ATP2A2: variants seen among roughly 807,000 people sequenced by gnomAD.
The protein encoded by ATP2A2 is ATPase sarcoplasmic/endoplasmic reticulum Ca2+ transporting 2, also known as sarcoplasmic/endoplasmic reticulum calcium ATPase 2.
Under a neutral mutation model 109.3 loss-of-function variants are expected in ATP2A2, and 14 were observed. The ratio of observed to expected loss-of-function variants is 0.13; its 90% CI spans 0.08 to 0.20. The LOEUF is 0.20. Among genes scored for constraint, ATP2A2 ranks in the 10% least tolerant of loss-of-function variants. ATP2A2 has a pLI of 1.00. For synonymous variants in ATP2A2, 506 were observed against 490.9 expected (o/e 1.03, Z -0.41); for missense variants, 657 against 1,321.6 (o/e 0.50, Z 7.80).
chr12:110,348,767 G>T lies in ATP2A2; in HGVS notation c.*2297G>T, dbSNP rs1459938129. ...CGCAGGCAGCTGTGGCTCTCGGGAA[G>T]GGAGGCTGCTTTGCCCAGCAGGGAA... On this transcript the variant is annotated 3_prime_UTR_variant, in exon 20 of 20. Transcript: ENST00000539276. The T allele has an allele frequency of 1.0e-6, 1 of 985,418 alleles. No homozygotes were observed. Among genetic ancestry groups the T allele is most frequent in the Non-Finnish European group, 1.2e-6 (1 of 830,030 alleles). 61.0% of individuals were successfully genotyped at this position (985,418 alleles called of 1,614,324 possible). A position where few individuals can be genotyped will look rare whatever the true frequency, so the allele number is the denominator to read the frequency against.
chr12:110,310,228 C>G (rs1368615816), intron 5 of ATP2A2, among the ~76,000 whole-genome samples: 1 of 151,610 alleles, frequency 6.6e-6, no homozygotes, highest in Non-Finnish European at 1.5e-5. Context: ...CTCAAGTGAT[C>G]TGCCTCCCTT....
chr12:110,317,138 T>A (rs1167497059), intron 5 of ATP2A2, among the ~76,000 whole-genome samples: 3 of 152,150 alleles, frequency 2.0e-5, no homozygotes, highest in African/African-American at 7.2e-5. Context: ...ACTACAAAAT[T>A]TATGACTCAA....
intron 11 of ATP2A2, among the ~76,000 whole-genome samples, chr12:110,334,586 CTTT>C (rs67776124): frequency 8.7e-6 from 1 of 114,522 alleles, no homozygotes; most frequent in Non-Finnish European, 1.7e-5. Flanking sequence ...TCAATTAAAC[CTTT>C]TTTTTTTTTT....
Position 110,292,749 on chromosome 12 carries a change from T to G in ATP2A2, c.324+625T>G, listed in dbSNP as rs555457534. Among the ~76,000 whole-genome samples, 9 of 152,254 alleles carry G rather than the reference T, an allele frequency of 5.9e-5. No individual in the cohort carries two copies. The East Asian group carries it at 1.7e-3, about 29-fold the overall frequency. ...CTGTAGTGAGCCATGATCGTAACACTGCACTCCAGTCTGGGCAAAGGAGCA... is the reference window on the plus strand; with the variant it reads ...CTGTAGTGAGCCATGATCGTAACACGGCACTCCAGTCTGGGCAAAGGAGCA... On this transcript the variant is annotated intron_variant, in intron 4 of 19. Coordinates refer to ENST00000539276, the MANE Select transcript of ATP2A2 (RefSeq NM_170665.4).
chr12:110,307,338 C>T (rs1461743873), intron 5 of ATP2A2, among the ~76,000 whole-genome samples: 1 of 151,678 alleles, frequency 6.6e-6, no homozygotes, highest in Non-Finnish European at 1.5e-5. Context: ...TCTAGTGACC[C>T]TCCCACCTGA....
intron 5 of ATP2A2, among the ~76,000 whole-genome samples, chr12:110,320,699 T>C (rs1371626435): frequency 2.0e-5 from 3 of 152,238 alleles, no homozygotes; most frequent in Non-Finnish European, 2.9e-5. Flanking sequence ...TGCTGTTCAT[T>C]GCACAAGCAT....
At position 110,350,300 on chromosome 12, in the gene ATP2A2, G is replaced by A; in HGVS notation, c.*3830G>A. 1 of 1,614,110 alleles carries A rather than the reference G, an allele frequency of 6.2e-7. No individual in the cohort carries two copies. Among genetic ancestry groups the A allele is most frequent in the Non-Finnish European group, 8.5e-7 (1 of 1,180,022 alleles). ...CTCTCTTTCCTTTTCAGCAATACTG[G>A]AGTAACCGCTTCCTAAACCATTTTG... On this transcript the variant is annotated 3_prime_UTR_variant, in exon 20 of 20. Transcript: ENST00000539276.
In ATP2A2 at chr12:110,339,283, C is replaced by A; in HGVS notation, c.1422C>A (p.Val474=). 1 of 1,613,866 alleles carries A rather than the reference C, an allele frequency of 6.2e-7. No individual in the cohort carries two copies. Among genetic ancestry groups the A allele is most frequent in the South Asian group, 1.1e-5 (1 of 90,900 alleles). ...KIERANACNS[V]IKQLMKKEFT... is the part of the protein sequence containing the mutation. ...ATCCATATTTGTTCCCTTTGTAGGT[C>A]ATTAAACAGCTGATGAAAAAGGAAT... Residue 474 remains valine, a splice_region_variant and synonymous_variant, in exon 12 of 20, where the codon GTC becomes GTA. Transcript: ENST00000539276. This position sits in a 1 kb window ranked among gnomAD's most constrained non-coding sequence, Gnocchi z 4.4.
intron 5 of ATP2A2, among the ~76,000 whole-genome samples, chr12:110,310,784 A>G (rs1395649877): frequency 6.6e-6 from 1 of 152,254 alleles, no homozygotes; most frequent in Non-Finnish European, 1.5e-5. Flanking sequence ...AATAATTCTT[A>G]AACTTGACAG....
At chr12:110,299,191 C>G (rs368246698) in intron 5 of ATP2A2, among the ~76,000 whole-genome samples, 19 of 151,830 alleles carry the variant, frequency 1.3e-4, no homozygotes, top group African/African-American at 4.3e-4. Context: ...AGGCTGGTCT[C>G]TCAAACTCCT....
Position 110,327,521 on chromosome 12 carries a change from A to G in ATP2A2, c.631-32A>G. The stretch of plus-strand genomic sequence containing the variant: ...GTATTTAAGTTGGGATGTGGTATTC[A>G]TCTTGTGACCAGTTCTCTACTTCTG... On this transcript the variant is annotated intron_variant, in intron 7 of 19. Coordinates refer to ENST00000539276, the MANE Select transcript of ATP2A2 (RefSeq NM_170665.4). This position sits in a 1 kb window ranked among gnomAD's most constrained non-coding sequence, Gnocchi z 4.4. 6.3e-7 allele frequency: 1 copy of G among 1,595,340 alleles called. No homozygotes were observed. The highest frequency in any genetic ancestry group is 8.6e-7 in the Non-Finnish European group (1 of 1,162,962).
intron 5 of ATP2A2, among the ~76,000 whole-genome samples, chr12:110,299,400 G>A (rs940551284): frequency 2.6e-5 from 4 of 152,236 alleles, no homozygotes; most frequent in Non-Finnish European, 4.4e-5. Context: ...GAGATAATGA[G>A]GACAGTAACA....
chr12:110,340,761 A>G lies in ATP2A2; in HGVS notation c.1864A>G (p.Met622Val), dbSNP rs1879273643. ...LCRQAGIRVI[M>V]ITGDNKGTAV... Reference sequence around the variant, plus strand: ...CCGGCAAGCAGGCATCCGGGTCATCATGATCACTGGGGACAACAAGGGCAC... The same window carrying G: ...CCGGCAAGCAGGCATCCGGGTCATCGTGATCACTGGGGACAACAAGGGCAC... The change falls in exon 14 of 20, where the codon ATG becomes GTG. Residue 622 changes from methionine to valine, a missense_variant. This residue lies in a region of ATP2A2 where 180 missense variants were observed against 329.1 expected (regional missense o/e 0.55). Coordinates refer to ENST00000539276, the MANE Select transcript of ATP2A2 (RefSeq NM_170665.4). This position sits in a 1 kb window ranked among gnomAD's most constrained non-coding sequence, Gnocchi z 6.0. 2 of 1,614,116 alleles carry G rather than the reference A, an allele frequency of 1.2e-6. No homozygotes were observed. The highest frequency in any genetic ancestry group is 1.7e-6 in the Non-Finnish European group (2 of 1,180,016).
In ATP2A2 at chr12:110,347,945, C is replaced by G. The variant is rs1317478304; in HGVS notation, c.*1475C>G. ...TGAGCACCGGGGTTGCCTGTGGCGC[C>G]TGCCATGTGACTCGGGCGCAGCATC... On this transcript the variant is annotated 3_prime_UTR_variant, in exon 20 of 20. Transcript: ENST00000539276. The G allele has an allele frequency of 1.0e-6, 1 of 987,212 alleles. No individual in the cohort carries two copies. 61.2% of individuals were successfully genotyped at this position (987,212 alleles called of 1,614,324 possible).
At chr12:110,320,935 A>T (rs1242311916) in intron 5 of ATP2A2, among the ~76,000 whole-genome samples, 2 of 152,258 alleles carry the variant, frequency 1.3e-5, no homozygotes, top group Admixed American at 1.3e-4. Flanking sequence ...AAGGTTTAAG[A>T]AGTTCAGTGT....
Position 110,292,138 on chromosome 12 carries a change from C to A in ATP2A2, c.324+14C>A. 1 of 1,580,072 alleles carries A rather than the reference C, an allele frequency of 6.3e-7. No individual in the cohort carries two copies. Among genetic ancestry groups the A allele is most frequent in the Non-Finnish European group, 8.7e-7 (1 of 1,149,110 alleles). Reference sequence around the variant, plus strand: ...GGTGTATGGCAGGTAAGCAAAAATTCCTGTACTGCAAAATTTCAATAAGTT... The same window carrying A: ...GGTGTATGGCAGGTAAGCAAAAATTACTGTACTGCAAAATTTCAATAAGTT... On this transcript the variant is annotated intron_variant, in intron 4 of 19. Transcript: ENST00000539276.
At chr12:110,307,363 C>G (rs2137754813) in intron 5 of ATP2A2, among the ~76,000 whole-genome samples, 1 of 151,692 alleles carries the variant, frequency 6.6e-6, no homozygotes, top group African/African-American at 2.4e-5. Flanking sequence ...TCCAGGTTAG[C>G]TGGGACTGTA....
At chr12:110,293,878 T>A (rs1350794311) in intron 4 of ATP2A2, among the ~76,000 whole-genome samples, 46 of 134,310 alleles carry the variant, frequency 3.4e-4, no homozygotes, top group African/African-American at 1.3e-3. Flanking sequence ...ATATTTTTTT[T>A]TTTTTTTTTT....
At chr12:110,306,001 G>A (rs1875274709) in intron 5 of ATP2A2, among the ~76,000 whole-genome samples, 1 of 151,230 alleles carries the variant, frequency 6.6e-6, no homozygotes, top group African/African-American at 2.4e-5. Flanking sequence ...ATAATTTTTT[G>A]TAACTTGAAA....
Sources: gnomAD v4.1 joint callset for allele counts (sites outside exome capture counted in the v4.1 genomes callset) on GRCh38, gnomAD v4.1.1 for gene constraint, gnomAD v4.1.1 regional missense constraint, Gnocchi (gnomAD v3.1) non-coding constraint, MANE v1.5 for transcripts, NCBI Gene and HGNC (gene_info 2026-07-23, HGNC 2026-07-21) for gene names.